The following CLSTN2 variants were observed in gnomAD, a reference collection of about 807,000 sequenced individuals.
The protein encoded by CLSTN2 is calsyntenin 2.
A neutral mutation model predicts 101.2 loss-of-function variants in CLSTN2; 48 were observed. That is an observed-to-expected ratio of 0.47 (90% CI 0.38 to 0.60). CLSTN2 has a LOEUF of 0.60. Ranked by LOEUF, CLSTN2 falls within the 20% of genes least tolerant of loss-of-function variation. CLSTN2 has a pLI of 0.00. For missense variants in CLSTN2, 1,160 were observed against 1,238.2 expected (o/e 0.94, Z 0.95); for synonymous variants, 481 against 463.6 (o/e 1.04, Z -0.48).
Position 140,102,514 on chromosome 3 carries a change from C to G in CLSTN2, c.110-73437C>G, listed in dbSNP as rs1310441423. Among the ~76,000 whole-genome samples, 3 of 152,204 alleles carry G rather than the reference C, an allele frequency of 2.0e-5. No individual in the cohort carries two copies. In the East Asian group the frequency reaches 5.8e-4, roughly 29 times the overall value. ...TTGCAAAGAATCTTGCCTCTGATTT[C>G]AAGTTGAAACTTTGAAGGTCCTACT... is the stretch of plus-strand genomic sequence containing the variant. On this transcript the variant is annotated intron_variant, in intron 1 of 16. Coordinates refer to ENST00000458420, the MANE Select transcript of CLSTN2 (RefSeq NM_022131.3).
At chr3:140,382,179 C>G (rs1354595394) in intron 2 of CLSTN2, among the ~76,000 whole-genome samples, 1 of 152,166 alleles carries the variant, frequency 6.6e-6, no homozygotes, top group Non-Finnish European at 1.5e-5. Context: ...TATTTCCATC[C>G]TAACATTTAA....
intron 1 of CLSTN2, among the ~76,000 whole-genome samples, chr3:140,023,084 C>T (rs901100939): frequency 6.6e-6 from 1 of 152,148 alleles, no homozygotes; most frequent in Non-Finnish European, 1.5e-5. Context: ...CACTGGTTAT[C>T]CTGCCTGGCT....
intron 2 of CLSTN2, among the ~76,000 whole-genome samples, chr3:140,189,367 GCAGTGTATAAGTGATA>G (rs1320951376): frequency 9.9e-5 from 15 of 152,086 alleles, no homozygotes; most frequent in Non-Finnish European, 1.6e-4. Context: ...TTTCCCACCG[GCAGTGTATAAGTGATA>G]CAGTTTCTCT....
At chr3:140,463,211 T>A (rs1232706694) in intron 7 of CLSTN2, among the ~76,000 whole-genome samples, 1 of 152,178 alleles carries the variant, frequency 6.6e-6, no homozygotes, top group African/African-American at 2.4e-5. Flanking sequence ...ACATATCAGC[T>A]CCTCTTGCTG....
chr3:140,533,641 G>A (rs1308385449), intron 9 of CLSTN2, among the ~76,000 whole-genome samples: 2 of 151,120 alleles, frequency 1.3e-5, no homozygotes, highest in Non-Finnish European at 2.9e-5. Context: ...AACCCGGGAG[G>A]TGGAGCTCGC....
intron 2 of CLSTN2, among the ~76,000 whole-genome samples, chr3:140,390,034 T>C (rs2088095986): frequency 6.6e-6 from 1 of 151,916 alleles, no homozygotes; most frequent in African/African-American, 2.4e-5. Flanking sequence ...TTGAATGTGA[T>C]AGAATTCACC....
intron 1 of CLSTN2, among the ~76,000 whole-genome samples, chr3:140,037,438 C>T (rs528630937): frequency 6.6e-5 from 10 of 151,846 alleles, no homozygotes; most frequent in Admixed American, 1.3e-4. Flanking sequence ...GGAGATTAAG[C>T]ACAAACTAGA....
intron 2 of CLSTN2, among the ~76,000 whole-genome samples, chr3:140,390,765 T>G (rs193226908): frequency 6.6e-6 from 1 of 152,338 alleles, no homozygotes; most frequent in African/African-American, 2.4e-5. Flanking sequence ...AATGTACTCA[T>G]TTGAGAATCC....
At chr3:140,536,044 TC>T (rs2107781466) in intron 9 of CLSTN2, among the ~76,000 whole-genome samples, 1 of 142,224 alleles carries the variant, frequency 7.0e-6, no homozygotes, top group South Asian at 2.3e-4. Context: ...AATGCTGCGT[TC>T]CCCTTACTAA....
chr3:140,234,046 G>C (rs969009019), intron 2 of CLSTN2, among the ~76,000 whole-genome samples: 1 of 152,194 alleles, frequency 6.6e-6, no homozygotes, highest in Non-Finnish European at 1.5e-5. Context: ...ACAAAAAATA[G>C]GTTGCTGATA....
intron 9 of CLSTN2, among the ~76,000 whole-genome samples, chr3:140,533,706 A>G (rs369512547): frequency 0.038 from 5,067 of 133,694 alleles, 330 homozygotes; most frequent in African/African-American, 0.15. Context: ...ACGAGACTCC[A>G]TCTCAAAAAA....
intron 1 of CLSTN2, among the ~76,000 whole-genome samples, chr3:140,085,161 C>T (rs955506595): frequency 3.3e-5 from 5 of 152,176 alleles, no homozygotes; most frequent in African/African-American, 7.2e-5. Context: ...ATTATTCATC[C>T]AGGGTCTCTG....
At chr3:140,171,855 A>G (rs1172512885) in intron 1 of CLSTN2, among the ~76,000 whole-genome samples, 2 of 116,104 alleles carry the variant, frequency 1.7e-5, no homozygotes, top group South Asian at 2.3e-4. Flanking sequence ...TAATATATAT[A>G]TTATATAATA....
Position 140,379,634 on chromosome 3 carries a change from A to G in CLSTN2, c.233-23995A>G, listed in dbSNP as rs148172050. Among the ~76,000 whole-genome samples, 306 of 152,314 alleles carry G rather than the reference A, an allele frequency of 2.0e-3. 1 individual carries two copies. The highest frequency in any genetic ancestry group is 6.6e-3 in the African/African-American group (275 of 41,570). ...AGTAAAATAGCAAAACACAGCATCA[A>G]TTTTAAAATGTGCATGCCCAGTATA... On this transcript the variant is annotated intron_variant, in intron 2 of 16. Transcript: ENST00000458420.
intron 1 of CLSTN2, among the ~76,000 whole-genome samples, chr3:140,163,008 A>G (rs548498198): frequency 6.6e-6 from 1 of 152,346 alleles, no homozygotes; most frequent in South Asian, 2.1e-4. Flanking sequence ...AATTTGTACT[A>G]TCCTATCAAA....
In CLSTN2 at chr3:140,572,960, C is replaced by T. The variant is rs1985603169; in HGVS notation, c.*6707C>T. ...CCTTGGTCCTAGTCCGCATCCTTCACCTGCCCTTGGGCATGAGACAATTCC... is the reference window on the plus strand; with the variant it reads ...CCTTGGTCCTAGTCCGCATCCTTCATCTGCCCTTGGGCATGAGACAATTCC... On this transcript the variant is annotated 3_prime_UTR_variant, in exon 17 of 17. Transcript: ENST00000458420. 1 of 152,402 alleles carries T rather than the reference C, an allele frequency of 6.6e-6. No individual in the cohort carries two copies. The highest frequency in any genetic ancestry group is 1.5e-5 in the Non-Finnish European group (1 of 68,206). The allele number at this position is 152,402 out of a possible 1,614,324, so 9.4% of individuals were successfully genotyped here. A position where few individuals can be genotyped will look rare whatever the true frequency, so the allele number is the denominator to read the frequency against.
At position 139,935,760 on chromosome 3, in the gene CLSTN2, GGGGT is replaced by G. The variant is rs1935009205; in HGVS notation, c.109+281_109+284del. On this transcript the variant is annotated intron_variant, in intron 1 of 16. Coordinates refer to ENST00000458420, the MANE Select transcript of CLSTN2 (RefSeq NM_022131.3). The surrounding 1 kb of genome is among the most constrained non-coding windows in gnomAD (Gnocchi z 5.5). ...GACAACTTTGAGGGCTGTCTGTGCC[GGGGT>G]GGGAGCGCAGTGGGTGAGTTTCGAG... Among the ~76,000 whole-genome samples, 1 of 152,108 alleles carries G rather than the reference GGGGT, an allele frequency of 6.6e-6. No homozygotes were observed. Among genetic ancestry groups the G allele is most frequent in the Non-Finnish European group, 1.5e-5 (1 of 68,010 alleles).
chr3:140,007,738 C>A (rs1179423690), intron 1 of CLSTN2, among the ~76,000 whole-genome samples: 1 of 152,142 alleles, frequency 6.6e-6, no homozygotes, highest in South Asian at 2.1e-4. Context: ...GCTAAGTACG[C>A]TCCTTGTGTT....
At chr3:140,358,653 A>C (rs2087698205) in intron 2 of CLSTN2, among the ~76,000 whole-genome samples, 1 of 152,108 alleles carries the variant, frequency 6.6e-6, no homozygotes, top group Admixed American at 6.5e-5. Context: ...ATATTATTCT[A>C]GTTCTCAATA....
Sources: allele counts gnomAD v4.1 joint callset (sites outside exome capture counted in the v4.1 genomes callset), GRCh38; gene constraint gnomAD v4.1.1; non-coding constraint Gnocchi (gnomAD v3.1); transcripts MANE v1.5; gene names NCBI Gene and HGNC (gene_info 2026-07-23, HGNC 2026-07-21).